DNAJC6: variants seen among roughly 807,000 people sequenced by gnomAD.
DNAJC6 encodes the protein auxilin.
DNAJC6 carries 34 observed loss-of-function variants against 110.0 expected under a neutral mutation model. That is an observed-to-expected ratio of 0.31 (90% CI 0.24 to 0.41). The LOEUF (loss-of-function observed/expected upper bound fraction) is 0.41, where lower values mean the gene tolerates loss of function less well. Ranked by LOEUF, DNAJC6 falls within the 10% of genes least tolerant of loss-of-function variation. DNAJC6 has a pLI of 1.00. For synonymous variants in DNAJC6, 406 were observed against 437.2 expected, an observed-to-expected ratio of 0.93 and a Z score of 0.89; for missense variants, 1,031 against 1,207.8, an observed-to-expected ratio of 0.85 and a Z score of 2.17.
chr1:65,322,355 G>T (rs1570276410), intron 1 of DNAJC6, among the ~76,000 whole-genome samples: 1 of 152,134 alleles, frequency 6.6e-6, no homozygotes, highest in East Asian at 1.9e-4. Context: ...ATGGATTCTT[G>T]CATATTCACA....
intron 1 of DNAJC6, among the ~76,000 whole-genome samples, chr1:65,361,886 G>C (rs1186034476): frequency 6.6e-6 from 1 of 152,134 alleles, no homozygotes; most frequent in Admixed American, 6.6e-5. Context: ...GTCCATCAGT[G>C]GGGTAATTGA....
chr1:65,282,303 C>G (rs1487278718), intron 1 of DNAJC6, among the ~76,000 whole-genome samples: 1 of 152,070 alleles, frequency 6.6e-6, no homozygotes, highest in Non-Finnish European at 1.5e-5. Flanking sequence ...GTTAGAATTC[C>G]CGTAGCAGTA....
intron 1 of DNAJC6, among the ~76,000 whole-genome samples, chr1:65,292,808 C>T (rs1644892775): frequency 6.6e-6 from 1 of 152,124 alleles, no homozygotes; most frequent in Non-Finnish European, 1.5e-5. Context: ...TGGCTTAAGA[C>T]AGCATACATT....
At chr1:65,397,577 G>T (rs1010506222) in intron 13 of DNAJC6, among the ~76,000 whole-genome samples, 1 of 152,172 alleles carries the variant, frequency 6.6e-6, no homozygotes, top group African/African-American at 2.4e-5. Flanking sequence ...TGCCTTGCAT[G>T]TGGTAGGTAG....
intron 1 of DNAJC6, among the ~76,000 whole-genome samples, chr1:65,312,088 A>G (rs1422744151): frequency 1.3e-5 from 2 of 152,164 alleles, no homozygotes; most frequent in Admixed American, 1.3e-4. Context: ...TTGTGATGGG[A>G]AAGTGTTTCA....
chr1:65,409,966 T>C (rs1646113483), intron 17 of DNAJC6, among the ~76,000 whole-genome samples: 2 of 152,214 alleles, frequency 1.3e-5, no homozygotes, highest in East Asian at 1.9e-4. Context: ...ACTTCATAGA[T>C]GAAGATGTTG....
chr1:65,351,434 A>T (rs978650574), intron 1 of DNAJC6, among the ~76,000 whole-genome samples: 5 of 152,214 alleles, frequency 3.3e-5, no homozygotes, highest in Admixed American at 1.3e-4. Flanking sequence ...AGAACTGCTG[A>T]TGTAAATTAT....
chr1:65,374,123 T>C (rs762389354), intron 4 of DNAJC6, among the ~76,000 whole-genome samples: 1 of 152,162 alleles, frequency 6.6e-6, no homozygotes, highest in Non-Finnish European at 1.5e-5. Flanking sequence ...GTTCTCTATT[T>C]TGTTCCATTA....
Position 65,302,221 on chromosome 1 carries a change from T to A in DNAJC6, c.-131+37289T>A, listed in dbSNP as rs1644991913. 2.1e-5 allele frequency among the ~76,000 whole-genome samples: 3 copies of A among 141,630 alleles called. No individual in the cohort carries two copies. In the South Asian group the frequency reaches 6.4e-4, roughly 30 times the overall value. The allele number at this position is 141,630 out of a possible 152,430, so 92.9% of individuals were successfully genotyped here. On this transcript the variant is annotated intron_variant, in intron 1 of 19. Transcript: ENST00000263441. The stretch of plus-strand genomic sequence containing the variant: ...TATACATTAATATATTATATCAATA[T>A]AATATACTATTATATTGATATATTA...
At position 65,399,793 on chromosome 1, in the gene DNAJC6, A is replaced by C. The variant is rs76225028; in HGVS notation, c.2107+912A>C. On this transcript the variant is annotated intron_variant, in intron 14 of 18. Coordinates refer to ENST00000371069, the MANE Select transcript of DNAJC6 (RefSeq NM_001256864.2). ...CATAAGTAGAATCATACAGCATTTGACTTTTGTGGCTGGCTTATTTCACTT... is the reference window on the plus strand; with the variant it reads ...CATAAGTAGAATCATACAGCATTTGCCTTTTGTGGCTGGCTTATTTCACTT... 9.7e-3 allele frequency among the ~76,000 whole-genome samples: 1,478 copies of C among 152,244 alleles called. 26 individuals carry two copies. The highest frequency in any genetic ancestry group is 0.034 in the African/African-American group (1,426 of 41,536).
At chr1:65,394,161 C>T (rs959851547) in intron 12 of DNAJC6, among the ~76,000 whole-genome samples, 1 of 152,200 alleles carries the variant, frequency 6.6e-6, no homozygotes, top group African/African-American at 2.4e-5. Context: ...TGATTTCATT[C>T]ATCATAGTTT....
upstream of DNAJC6, among the ~76,000 whole-genome samples, chr1:65,306,975 TCTCTCTCTCTC>T (rs1645046253): frequency 3.1e-5 from 1 of 32,168 alleles, no homozygotes; most frequent in East Asian, 1.5e-3. Flanking sequence ...AATCTGTTTC[TCTCTCTCTCTC>T]TCTCTCTCTC....
chr1:65,334,203 G>A (rs573225088), intron 1 of DNAJC6, among the ~76,000 whole-genome samples: 31 of 152,360 alleles, frequency 2.0e-4, no homozygotes, highest in African/African-American at 6.7e-4. Flanking sequence ...ATGTTTGACA[G>A]GAGAAGTAGG....
At chr1:65,364,210 AT>A (rs1244296463) in intron 1 of DNAJC6, among the ~76,000 whole-genome samples, 1 of 152,232 alleles carries the variant, frequency 6.6e-6, no homozygotes, top group Non-Finnish European at 1.5e-5. Flanking sequence ...AATTTCTTTA[AT>A]TCAATATATT....
intron 5 of DNAJC6, among the ~76,000 whole-genome samples, chr1:65,382,059 G>A (rs552602370): frequency 6.6e-6 from 1 of 152,318 alleles, no homozygotes; most frequent in African/African-American, 2.4e-5. Context: ...CCCAAAGTAT[G>A]GAAGGAGGTT....
chr1:65,287,265 C>G (rs748257764), intron 1 of DNAJC6, among the ~76,000 whole-genome samples: 1 of 152,094 alleles, frequency 6.6e-6, no homozygotes, highest in Non-Finnish European at 1.5e-5. Flanking sequence ...ATTAAAAATG[C>G]AAACAAATGA....
At chr1:65,368,573 C>G (rs924792334) in intron 4 of DNAJC6, among the ~76,000 whole-genome samples, 1 of 136,118 alleles carries the variant, frequency 7.3e-6, no homozygotes, top group East Asian at 2.6e-4. Context: ...TCCTTCTTTC[C>G]TCTTCTTCCT....
At chr1:65,324,220 G>A (rs987729558) in intron 1 of DNAJC6, among the ~76,000 whole-genome samples, 1 of 151,884 alleles carries the variant, frequency 6.6e-6, no homozygotes, top group African/African-American at 2.4e-5. Flanking sequence ...CTGTCACCCA[G>A]GCAGGAGTGC....
chr1:65,386,903 A>T lies in DNAJC6; in HGVS notation c.1087A>T (p.Thr363Ser). ...VVVSMYHLRS[T>S]IGSRLQAKVT... is the part of the protein sequence containing the mutation. ...TGTTTCCATGTATCACTTGAGGTCA[A>T]CCATTGGGAGCCGGCTACAGGCTAA... Residue 363 changes from threonine (T) to serine (S), a missense_variant, in exon 8 of 19, where the codon ACC (threonine) becomes TCC (serine). Transcript: ENST00000371069. The T allele has an allele frequency of 6.2e-7, 1 of 1,614,108 alleles. No homozygotes were observed. The highest frequency in any genetic ancestry group is 8.5e-7 in the Non-Finnish European group (1 of 1,179,984).
Sources: allele counts gnomAD v4.1 joint callset (sites outside exome capture counted in the v4.1 genomes callset), GRCh38; gene constraint gnomAD v4.1.1; transcripts MANE v1.5; gene names NCBI Gene and HGNC (gene_info 2026-07-23, HGNC 2026-07-21).